SLC9D1: variants seen among roughly 807,000 people sequenced by gnomAD.
SLC9D1 encodes the protein putative LAG1-interacting protein.
At chr13:113,537,658 G>C in the SLC9D1 span, among the ~76,000 whole-genome samples, 1 of 152,316 alleles carries the variant, frequency 6.6e-6, no homozygotes, top group Non-Finnish European at 1.5e-5. Flanking sequence ...TGTTCTGTGT[G>C]AAAGATCCGC....
chr13:113,511,300 G>T, the SLC9D1 span, among the ~76,000 whole-genome samples: 1 of 152,228 alleles, frequency 6.6e-6, no homozygotes, highest in African/African-American at 2.4e-5. Flanking sequence ...GAACACACAG[G>T]CATAGAAGAG....
chr13:113,513,642 C>T, the SLC9D1 span, among the ~76,000 whole-genome samples: 1 of 152,090 alleles, frequency 6.6e-6, no homozygotes, highest in African/African-American at 2.4e-5. Flanking sequence ...TGGGAATAAA[C>T]TTATCAAAAG....
At chr13:113,503,595 A>G in the SLC9D1 span, 3 of 1,590,086 alleles carry the variant, frequency 1.9e-6, no homozygotes, top group South Asian at 2.2e-5. Flanking sequence ...AAAGGTAAGG[A>G]CCTCATCAAC....
At chr13:113,547,093 C>T in the SLC9D1 span, 1 of 563,628 alleles carries the variant, frequency 1.8e-6, no homozygotes, top group African/African-American at 1.9e-5. Context: ...CCACATCAGA[C>T]AGGTCATCCC....
chr13:113,529,817 G>GTAC, the SLC9D1 span: 1 of 152,098 alleles, frequency 6.6e-6, no homozygotes, highest in Non-Finnish European at 1.5e-5. Context: ...GGTGATGGGG[G>GTAC]TACAACAGTG....
chr13:113,510,340 G>A, the SLC9D1 span: 25 of 1,614,078 alleles, frequency 1.5e-5, no homozygotes, highest in African/African-American at 9.3e-5. Flanking sequence ...CACGCAGAGC[G>A]TCTTCATTTC....
the SLC9D1 span, among the ~76,000 whole-genome samples, chr13:113,509,230 T>C: frequency 4.5e-5 from 6 of 133,352 alleles, no homozygotes; most frequent in African/African-American, 5.9e-5. Flanking sequence ...GCGGGCTTGG[T>C]GGGTGGGTCC....
chr13:113,496,068 G>C, the SLC9D1 span: 5 of 1,331,410 alleles, frequency 3.8e-6, no homozygotes, highest in Non-Finnish European at 4.2e-6. Flanking sequence ...GAGAGGGAGA[G>C]AGAGGTGAAG....
At chr13:113,538,805 C>T in the SLC9D1 span, among the ~76,000 whole-genome samples, 4 of 152,402 alleles carry the variant, frequency 2.6e-5, no homozygotes, top group African/African-American at 4.8e-5. Context: ...TGCCATAAGC[C>T]TGCGTTTCGC....
At chr13:113,532,767 C>T in the SLC9D1 span, among the ~76,000 whole-genome samples, 8 of 151,550 alleles carry the variant, frequency 5.3e-5, no homozygotes, top group Non-Finnish European at 1.2e-4. Context: ...CTCTGAAGGA[C>T]GCTGCCTCCC....
the SLC9D1 span, among the ~76,000 whole-genome samples, chr13:113,518,310 G>C: frequency 3.4e-3 from 519 of 152,272 alleles, 7 homozygotes; most frequent in African/African-American, 0.011. Context: ...GGCCCTGTGG[G>C]TGTGGACTCG....
chr13:113,492,010 C>CT, the SLC9D1 span, among the ~76,000 whole-genome samples: 6 of 152,272 alleles, frequency 3.9e-5, no homozygotes, highest in South Asian at 1.2e-3. Flanking sequence ...TATTCTAAAG[C>CT]TTTTTTGTGG....
chr13:113,543,167 TCCG>T, the SLC9D1 span, among the ~76,000 whole-genome samples: 2 of 49,144 alleles, frequency 4.1e-5, no homozygotes, highest in Non-Finnish European at 7.1e-5. Flanking sequence ...CCTACCTCTG[TCCG>T]GACCCCACCT....
At chr13:113,502,804 T>A in the SLC9D1 span, among the ~76,000 whole-genome samples, 1 of 152,190 alleles carries the variant, frequency 6.6e-6, no homozygotes, top group African/African-American at 2.4e-5. Context: ...CCTCTGCTGC[T>A]GGTTGAGCCT....
chr13:113,549,371 G>T, the SLC9D1 span: 1 of 1,593,950 alleles, frequency 6.3e-7, no homozygotes. Context: ...CTTTCCTGTT[G>T]CAGGTGCTAG....
At chr13:113,517,404 A>G in the SLC9D1 span, among the ~76,000 whole-genome samples, 1 of 152,004 alleles carries the variant, frequency 6.6e-6, no homozygotes, top group East Asian at 1.9e-4. Context: ...GGCTAATTCT[A>G]TTTTTAGTAG....
At chr13:113,548,905 A>G in the SLC9D1 span, among the ~76,000 whole-genome samples, 1 of 152,114 alleles carries the variant, frequency 6.6e-6, no homozygotes, top group Admixed American at 6.5e-5. Flanking sequence ...GTAGAAGTCC[A>G]GGTGTTGAGT....
the SLC9D1 span, chr13:113,491,120 G>A: frequency 2.0e-5 from 3 of 152,048 alleles, no homozygotes; most frequent in Admixed American, 2.0e-4. Flanking sequence ...GGTCCCGCCT[G>A]GGAAGGGATG....
chr13:113,544,035 C>T, the SLC9D1 span, among the ~76,000 whole-genome samples: 1 of 152,264 alleles, frequency 6.6e-6, no homozygotes, highest in African/African-American at 2.4e-5. Flanking sequence ...TCAGACGGCA[C>T]CTTTGCCTCT....
Sources: allele counts gnomAD v4.1 joint callset (sites outside exome capture counted in the v4.1 genomes callset), GRCh38; gene constraint gnomAD v4.1.1; transcripts MANE v1.5; gene names NCBI Gene and HGNC (gene_info 2026-07-23, HGNC 2026-07-21).